JAKMIP2: variants seen among roughly 807,000 people sequenced by gnomAD.
JAKMIP2 encodes the protein janus kinase and microtubule-interacting protein 2.
Under a neutral mutation model 115.0 loss-of-function variants are expected in JAKMIP2, and 25 were observed. The ratio of observed to expected loss-of-function variants is 0.22; its 90% CI spans 0.16 to 0.30. The LOEUF (loss-of-function observed/expected upper bound fraction) is 0.30, where lower values mean the gene tolerates loss of function less well. Ranked by LOEUF, JAKMIP2 falls within the 10% of genes least tolerant of loss-of-function variation. The pLI is 1.00. For synonymous variants in JAKMIP2, 334 were observed against 343.6 expected, an observed-to-expected ratio of 0.97 and a Z score of 0.31; for missense variants, 642 against 957.6, an observed-to-expected ratio of 0.67 and a Z score of 4.35.
At chr5:147,676,195 A>G (rs1759948452) in intron 1 of JAKMIP2, among the ~76,000 whole-genome samples, 1 of 152,172 alleles carries the variant, frequency 6.6e-6, no homozygotes, top group Non-Finnish European at 1.5e-5. Context: ...AATTAGCCGG[A>G]CGTGGCGGCC....
rs537467528 is a variant in JAKMIP2 at position 147,608,823 on chromosome 5, G to GTC, written c.2412+3481_2412+3482dup. ...TGTGTGAGTCTAAGTCTCTTTGTAG[G>GTC]TCTCTAAGAACTTGCTTTATGAATC... is the stretch of plus-strand genomic sequence containing the variant. On this transcript the variant is annotated intron_variant, in intron 20 of 21. Transcript: ENST00000616793. Among the ~76,000 whole-genome samples, 179 of 152,244 alleles carry GTC rather than the reference G, an allele frequency of 1.2e-3. 2 individuals are homozygous for GTC. Among genetic ancestry groups the GTC allele is most frequent in the Admixed American group, 3.4e-3 (52 of 15,294 alleles).
At chr5:147,623,431 T>TG (rs201381226) in intron 17 of JAKMIP2, among the ~76,000 whole-genome samples, 190 bp downstream of exon 17, 2,237 of 152,216 alleles carry the variant, frequency 0.015, 21 homozygotes, top group Non-Finnish European at 0.022. Flanking sequence ...TAACATTTTT[T>TG]GGGGGGAGAA....
At chr5:147,701,661 C>G (rs1752329760) in intron 1 of JAKMIP2, among the ~76,000 whole-genome samples, 1 of 152,152 alleles carries the variant, frequency 6.6e-6, no homozygotes, top group Admixed American at 6.5e-5. Context: ...TTGTCCTTCA[C>G]ACAGCACCAA....
intron 1 of JAKMIP2, among the ~76,000 whole-genome samples, chr5:147,714,034 C>T (rs1561553718): frequency 1.3e-5 from 2 of 152,128 alleles, no homozygotes; most frequent in Admixed American, 6.6e-5. Context: ...ACTTGGGACA[C>T]TCAAATAACT....
At chr5:147,774,760 T>C (rs950992773) in intron 1 of JAKMIP2, among the ~76,000 whole-genome samples, 5 of 152,044 alleles carry the variant, frequency 3.3e-5, no homozygotes, top group Non-Finnish European at 5.9e-5. Flanking sequence ...AGGTAAGAAA[T>C]GCGGGTAAAA....
At chr5:147,648,195 T>C (rs1036835770) in intron 5 of JAKMIP2, among the ~76,000 whole-genome samples, 181 bp downstream of exon 5, 1 of 152,288 alleles carries the variant, frequency 6.6e-6, no homozygotes, top group East Asian at 1.9e-4. Context: ...ATGCTGGTAA[T>C]CTTCCATTTA....
intron 2 of JAKMIP2, among the ~76,000 whole-genome samples, chr5:147,670,755 A>T (rs916074725): frequency 2.6e-5 from 4 of 152,204 alleles, no homozygotes; most frequent in Non-Finnish European, 2.9e-5. Flanking sequence ...CTGTGATGTG[A>T]TGAAGAAACT....
intron 1 of JAKMIP2, among the ~76,000 whole-genome samples, chr5:147,730,418 C>T (rs1196396876): frequency 6.6e-6 from 1 of 151,872 alleles, no homozygotes; most frequent in Non-Finnish European, 1.5e-5. Context: ...CCTCCACTGC[C>T]TCCCATGTGA....
At chr5:147,776,994 G>C (rs997823783) in intron 1 of JAKMIP2, among the ~76,000 whole-genome samples, 1 of 151,992 alleles carries the variant, frequency 6.6e-6, no homozygotes, top group African/African-American at 2.4e-5. Flanking sequence ...CTACAACACT[G>C]GGGAAAACTA....
intron 13 of JAKMIP2, 23 bp downstream of exon 13, chr5:147,632,657 T>C: frequency 7.1e-7 from 1 of 1,405,472 alleles, no homozygotes. Flanking sequence ...TTATTTTTAT[T>C]ATTATCATCA....
intron 1 of JAKMIP2, among the ~76,000 whole-genome samples, chr5:147,750,881 CTG>C (rs901019060): frequency 6.6e-6 from 1 of 151,702 alleles, no homozygotes. Context: ...GAAACCAACC[CTG>C]TAATTACCTC....
At position 147,741,183 on chromosome 5, in the gene JAKMIP2, C is replaced by T. The variant is rs1754130221; in HGVS notation, c.-149+41273G>A. On this transcript the variant is annotated intron_variant, in intron 1 of 21. Coordinates refer to ENST00000616793, the MANE Select transcript of JAKMIP2 (RefSeq NM_001270941.2). ...ACCACTTGATTAAAAAAATGTTTTA[C>T]CTTTTACCTAAATACTAAAATAATT... Among the ~76,000 whole-genome samples, 6 of 152,240 alleles carry T rather than the reference C, an allele frequency of 3.9e-5. No individual in the cohort carries two copies. The South Asian group carries it at 1.2e-3, about 32-fold the overall frequency.
chr5:147,758,531 CTT>C (rs1272387662), intron 1 of JAKMIP2, among the ~76,000 whole-genome samples: 1 of 152,112 alleles, frequency 6.6e-6, no homozygotes, highest in East Asian at 1.9e-4. Flanking sequence ...ACTATCAGAT[CTT>C]TAAAGAGGCA....
At position 147,782,465 on chromosome 5, in the gene JAKMIP2, A is replaced by G; in HGVS notation, c.-158T>C. ...ACTGTTTCCTACTCACCATGCTGAG[A>G]CCCGGAGAAGCTGTTTAAAGGAGGG... On this transcript the variant is annotated 5_prime_UTR_variant, in exon 1 of 22. Transcript: ENST00000616793. 1 of 1,535,990 alleles carries G rather than the reference A, an allele frequency of 6.5e-7. No homozygotes were observed. The highest frequency in any genetic ancestry group is 1.2e-5 in the South Asian group (1 of 84,044).
intron 1 of JAKMIP2, among the ~76,000 whole-genome samples, chr5:147,696,556 G>T (rs759553288): frequency 2.6e-5 from 4 of 152,142 alleles, no homozygotes; most frequent in Non-Finnish European, 5.9e-5. Context: ...TTACAGCAGT[G>T]TGAGAACAGA....
At chr5:147,759,042 C>G (rs1456313036) in intron 1 of JAKMIP2, among the ~76,000 whole-genome samples, 1 of 152,002 alleles carries the variant, frequency 6.6e-6, no homozygotes, top group African/African-American at 2.4e-5. Context: ...GAAAGAGAGG[C>G]AACAAATTTT....
chr5:147,739,071 C>A (rs1295312263), intron 1 of JAKMIP2, among the ~76,000 whole-genome samples: 1 of 152,028 alleles, frequency 6.6e-6, no homozygotes, highest in East Asian at 1.9e-4. Flanking sequence ...CACACCTGCT[C>A]CTTAAGCCTC....
chr5:147,607,101 C>T (rs1756057779), intron 20 of JAKMIP2, among the ~76,000 whole-genome samples: 1 of 152,160 alleles, frequency 6.6e-6, no homozygotes, highest in Non-Finnish European at 1.5e-5. Context: ...TCTAAATATA[C>T]AATCATGTCA....
chr5:147,668,624 T>C (rs1432287030), intron 2 of JAKMIP2, among the ~76,000 whole-genome samples: 2 of 152,136 alleles, frequency 1.3e-5, no homozygotes, highest in Non-Finnish European at 1.5e-5. Context: ...GGGATGACAA[T>C]GCCCACCTCA....
Sources: allele counts gnomAD v4.1 joint callset (sites outside exome capture counted in the v4.1 genomes callset), GRCh38; gene constraint gnomAD v4.1.1; transcripts MANE v1.5; gene names NCBI Gene and HGNC (gene_info 2026-07-23, HGNC 2026-07-21).